Variants in TPRG1 observed in about 807,000 individuals in gnomAD.
The protein encoded by TPRG1 is tumor protein p63 regulated 1, also known as tumor protein p63-regulated gene 1 protein.
A neutral mutation model predicts 29.3 loss-of-function variants in TPRG1; 29 were observed. That is an observed-to-expected ratio of 0.99 (90% CI 0.74 to 1.35). The LOEUF is 1.35. Among genes scored for constraint, TPRG1 ranks in the 40% most tolerant of loss-of-function variants. TPRG1 has a pLI of 0.00. For missense variants in TPRG1, 327 were observed against 335.0 expected, an observed-to-expected ratio of 0.98 and a Z score of 0.19; for synonymous variants, 130 against 116.8, an observed-to-expected ratio of 1.11 and a Z score of -0.73.
chr3:189,275,468 ATAGTAT>A (rs1420071364), intron 4 of TPRG1, among the ~76,000 whole-genome samples: 1 of 152,192 alleles, frequency 6.6e-6, no homozygotes, highest in Non-Finnish European at 1.5e-5. Flanking sequence ...CACAAAGGAA[ATAGTAT>A]AAGACGAGAC....
chr3:189,095,123 A>G (rs1266053151), upstream of TPRG1, among the ~76,000 whole-genome samples: 1 of 152,174 alleles, frequency 6.6e-6, no homozygotes, highest in Non-Finnish European at 1.5e-5. Context: ...TGAAGGTGAA[A>G]CAAAGACTTG....
intron 4 of TPRG1, among the ~76,000 whole-genome samples, chr3:189,084,252 A>C (rs1717789382): frequency 6.6e-6 from 1 of 152,242 alleles, no homozygotes; most frequent in Admixed American, 6.5e-5. Flanking sequence ...AGATATTCTA[A>C]TAATGGACAC....
chr3:189,075,659 G>A (rs905392322), intron 4 of TPRG1, among the ~76,000 whole-genome samples: 1 of 152,112 alleles, frequency 6.6e-6, no homozygotes, highest in East Asian at 1.9e-4. Context: ...CTTTAGATTT[G>A]TGGTGATTTT....
chr3:189,188,932 CTT>C lies in TPRG1; in HGVS notation c.-10+16804_-10+16805del, dbSNP rs1371041308. ...GGCATTAATTTTCATCTTCTCCTGACTTTTACTTTTGGAGATTTTCTGAAGGC... is the reference window on the plus strand; with the variant it reads ...GGCATTAATTTTCATCTTCTCCTGACTTACTTTTGGAGATTTTCTGAAGGC... On this transcript the variant is annotated intron_variant, in intron 1 of 5. Transcript: ENST00000345063. Among the ~76,000 whole-genome samples the C allele has an allele frequency of 2.6e-5, 4 of 152,252 alleles. No homozygotes were observed. In the East Asian group the frequency reaches 7.7e-4, roughly 29 times the overall value.
At chr3:189,223,022 G>A (rs1466127) in intron 3 of TPRG1, among the ~76,000 whole-genome samples, 53,285 of 152,040 alleles carry the variant, frequency 0.35, 9,522 homozygotes, top group South Asian at 0.52. Context: ...CACATTATAC[G>A]ATAAAGTGTA....
chr3:189,258,022 C>T (rs1371913842), intron 4 of TPRG1, among the ~76,000 whole-genome samples: 2 of 152,190 alleles, frequency 1.3e-5, no homozygotes, highest in East Asian at 1.9e-4. Flanking sequence ...AACTCATTCT[C>T]AGTCCAGTTT....
chr3:189,305,315 C>G (rs961095893), intron 4 of TPRG1, among the ~76,000 whole-genome samples: 1 of 152,224 alleles, frequency 6.6e-6, no homozygotes, highest in African/African-American at 2.4e-5. Flanking sequence ...GGCATATTTT[C>G]TAGCTCAGCT....
intron 5 of TPRG1, among the ~76,000 whole-genome samples, chr3:189,314,370 A>G (rs1054663713): frequency 3.9e-5 from 6 of 152,176 alleles, no homozygotes; most frequent in Non-Finnish European, 8.8e-5. Context: ...GTACCCAAAG[A>G]AAGAGCATTA....
intron 4 of TPRG1, among the ~76,000 whole-genome samples, chr3:189,053,898 A>G (rs1454763222): frequency 6.6e-6 from 1 of 152,230 alleles, no homozygotes; most frequent in Non-Finnish European, 1.5e-5. Context: ...TCTTCTTTAC[A>G]GATCACTAAA....
intron 5 of TPRG1, among the ~76,000 whole-genome samples, chr3:189,159,460 T>C (rs1378620997): frequency 6.6e-6 from 1 of 152,050 alleles, no homozygotes; most frequent in Non-Finnish European, 1.5e-5. Flanking sequence ...TGAGAGATGA[T>C]TCTGGAGGAG....
chr3:189,219,518 GAAAA>G (rs5855244), intron 3 of TPRG1: 50 of 957,654 alleles, frequency 5.2e-5, no homozygotes, highest in Admixed American at 1.7e-4. Context: ...TGGCCCTTCT[GAAAA>G]AAAAAAAAAA....
intron 3 of TPRG1, among the ~76,000 whole-genome samples, chr3:189,220,961 A>G (rs1736853307): frequency 6.6e-6 from 1 of 152,066 alleles, no homozygotes; most frequent in Admixed American, 6.6e-5. Flanking sequence ...ATTTTTCCTG[A>G]TTACCATATA....
chr3:189,164,477 A>G (rs1451000938), intron 5 of TPRG1, among the ~76,000 whole-genome samples: 1 of 151,980 alleles, frequency 6.6e-6, no homozygotes, highest in African/African-American at 2.4e-5. Flanking sequence ...TTTTTTTCTT[A>G]AATTGGGACA....
At chr3:189,014,631 C>T (rs1277781894) in intron 3 of TPRG1, among the ~76,000 whole-genome samples, 1 of 152,100 alleles carries the variant, frequency 6.6e-6, no homozygotes, top group Non-Finnish European at 1.5e-5. Context: ...AATCTTCTCC[C>T]TTGCTGTTCT....
At chr3:189,148,562 TGTTA>T (rs1725547862) in intron 4 of TPRG1, among the ~76,000 whole-genome samples, 1 of 152,132 alleles carries the variant, frequency 6.6e-6, no homozygotes, top group Admixed American at 6.5e-5. Context: ...TGGTGTGAGT[TGTTA>T]GTTCAGCCTG....
intron 4 of TPRG1, among the ~76,000 whole-genome samples, chr3:189,270,093 G>A (rs1714845119): frequency 1.3e-5 from 2 of 150,782 alleles, no homozygotes; most frequent in Non-Finnish European, 2.9e-5. Flanking sequence ...GCACAAACTA[G>A]CTATGTTGTT....
At chr3:189,015,902 C>T (rs1712905475) in intron 3 of TPRG1, among the ~76,000 whole-genome samples, 1 of 152,168 alleles carries the variant, frequency 6.6e-6, no homozygotes. Flanking sequence ...TCATGGAGAG[C>T]CTGTACAAAG....
At chr3:189,013,136 C>A (rs1712692459) in intron 3 of TPRG1, among the ~76,000 whole-genome samples, 1 of 152,084 alleles carries the variant, frequency 6.6e-6, no homozygotes, top group South Asian at 2.1e-4. Flanking sequence ...ATCTTTCTAG[C>A]TTTTTGATGT....
chr3:189,026,926 C>T (rs1713695789), intron 4 of TPRG1, among the ~76,000 whole-genome samples: 1 of 152,174 alleles, frequency 6.6e-6, no homozygotes, highest in Non-Finnish European at 1.5e-5. Flanking sequence ...AGGTCTTAAA[C>T]ATGACTTGTG....
Sources: gnomAD v4.1 joint callset for allele counts (sites outside exome capture counted in the v4.1 genomes callset) on GRCh38, gnomAD v4.1.1 for gene constraint, MANE v1.5 for transcripts, NCBI Gene and HGNC (gene_info 2026-07-23, HGNC 2026-07-21) for gene names.